PREX1: variants seen among roughly 807,000 people sequenced by gnomAD.
PREX1 encodes phosphatidylinositol-3,4,5-trisphosphate dependent Rac exchange factor 1.
PREX1 carries 41 observed loss-of-function variants against 198.3 expected under a neutral mutation model. The ratio of observed to expected loss-of-function variants is 0.21; its 90% CI spans 0.16 to 0.27. PREX1 has a LOEUF of 0.27. Among genes scored for constraint, PREX1 ranks in the 10% least tolerant of loss-of-function variants. The pLI, the probability that PREX1 is intolerant of heterozygous loss-of-function variation, is 1.00. For synonymous variants in PREX1, 843 were observed against 887.2 expected, an observed-to-expected ratio of 0.95 and a Z score of 0.89; for missense variants, 1,620 against 2,200.7, an observed-to-expected ratio of 0.74 and a Z score of 5.28.
chr20:48,804,981 C>T (rs1459156766), intron 1 of PREX1, among the ~76,000 whole-genome samples: 3 of 152,022 alleles, frequency 2.0e-5, no homozygotes, highest in Non-Finnish European at 4.4e-5. Context: ...GGACAGAGGT[C>T]AGGGCAAGGA....
intron 22 of PREX1, 78 bp downstream of exon 22, chr20:48,651,318 C>T: frequency 6.6e-7 from 1 of 1,512,436 alleles, no homozygotes; most frequent in South Asian, 1.3e-5. Context: ...CCACCCAACT[C>T]CTTCTCCCAA....
chr20:48,879,676 G>A, the PREX1 span, among the ~76,000 whole-genome samples: 1 of 152,282 alleles, frequency 6.6e-6, no homozygotes, highest in East Asian at 1.9e-4. Flanking sequence ...ACAGCTCCAT[G>A]AAATAAGACC....
intron 22 of PREX1, 82 bp from the exon 23 acceptor site, chr20:48,651,137 T>A: frequency 6.7e-7 from 1 of 1,503,314 alleles, no homozygotes; most frequent in Admixed American, 2.0e-5. Flanking sequence ...ACTCCTGTAC[T>A]ACTCGTAATA....
intron 30 of PREX1, among the ~76,000 whole-genome samples, chr20:48,638,914 T>G (rs2122850647): frequency 6.6e-6 from 1 of 151,924 alleles, no homozygotes; most frequent in East Asian, 1.9e-4. Context: ...GGACCCAGAG[T>G]CGATGCTCCT....
In PREX1 at chr20:48,684,928, T is replaced by C. The variant is rs75665697; in HGVS notation, c.1335-3593A>G. On this transcript the variant is annotated intron_variant, in intron 10 of 39. Coordinates refer to ENST00000371941, the MANE Select transcript of PREX1 (RefSeq NM_020820.4). This position sits in a 1 kb window ranked among gnomAD's most constrained non-coding sequence, Gnocchi z 4.2. ...GAATGCTGTTCCCCACACCCTCTCATGGCTGGCTCTTGCTTGTCTTTCAGA... is the reference window on the plus strand; with the variant it reads ...GAATGCTGTTCCCCACACCCTCTCACGGCTGGCTCTTGCTTGTCTTTCAGA... Among the ~76,000 whole-genome samples, 793 of 152,354 alleles carry C rather than the reference T, an allele frequency of 5.2e-3. 1 individual carries two copies. Among genetic ancestry groups the C allele is most frequent in the Non-Finnish European group, 7.5e-3 (511 of 68,030 alleles).
At chr20:48,863,493 T>A in the PREX1 span, among the ~76,000 whole-genome samples, 1 of 150,958 alleles carries the variant, frequency 6.6e-6, no homozygotes, top group Admixed American at 6.6e-5. Context: ...TTTGTGGGGT[T>A]TTTTTGTTTT....
intron 5 of PREX1, among the ~76,000 whole-genome samples, chr20:48,712,514 T>C (rs1182008643): frequency 6.6e-6 from 1 of 152,204 alleles, no homozygotes; most frequent in Non-Finnish European, 1.5e-5. Context: ...GGAATCTCAG[T>C]GACCCTCCTC....
At chr20:48,786,033 G>A (rs975273595) in intron 1 of PREX1, among the ~76,000 whole-genome samples, 5 of 152,162 alleles carry the variant, frequency 3.3e-5, no homozygotes, top group African/African-American at 9.7e-5. Flanking sequence ...GGGCCTGAGC[G>A]GGCTCATGGA....
At chr20:48,828,821 A>G (rs2090526106), upstream of PREX1, among the ~76,000 whole-genome samples, 1 of 151,284 alleles carries the variant, frequency 6.6e-6, no homozygotes, top group South Asian at 2.1e-4. Context: ...CCTTCCATCC[A>G]CCCACCCCAT....
chr20:48,672,412 G>A (rs180889636), intron 14 of PREX1, among the ~76,000 whole-genome samples: 7 of 152,308 alleles, frequency 4.6e-5, no homozygotes, highest in Admixed American at 6.5e-5. Flanking sequence ...GAATTCTAGC[G>A]TTGCCTCCTA....
the PREX1 span, among the ~76,000 whole-genome samples, chr20:48,837,289 A>G: frequency 2.6e-4 from 40 of 152,202 alleles, no homozygotes; most frequent in African/African-American, 9.4e-4. Flanking sequence ...TAAAAACAGA[A>G]CTACCATTAG....
Position 48,645,972 on chromosome 20 carries a change from T to C in PREX1, c.3391A>G (p.Ser1131Gly). 1 of 1,614,222 alleles carries C rather than the reference T, an allele frequency of 6.2e-7. No individual in the cohort carries two copies. Among genetic ancestry groups the C allele is most frequent in the African/African-American group, 1.3e-5 (1 of 75,054 alleles). The change falls in exon 26 of 40, where the codon AGT (serine) becomes GGT (glycine). Residue 1131 changes from serine (S) to glycine (G), a missense_variant. Ser to Gly is a moderately conservative substitution (Grantham distance 56). Coordinates refer to ENST00000371941, the MANE Select transcript of PREX1 (RefSeq NM_020820.4). ...CTCCTGTCCATCTCGCTCTCTTCAC[T>C]GACCAGGGGCAGGGAGGAGGCCTCC... ...AEEASSLPLV[S>G]EESEMDRSDH...
intron 1 of PREX1, among the ~76,000 whole-genome samples, chr20:48,758,813 C>A (rs2090166351): frequency 6.6e-6 from 1 of 152,138 alleles, no homozygotes; most frequent in Non-Finnish European, 1.5e-5. Flanking sequence ...ACAATCCTAT[C>A]GAAAACGCCT....
intron 1 of PREX1, among the ~76,000 whole-genome samples, chr20:48,824,242 G>A (rs2090499582): frequency 6.6e-6 from 1 of 152,170 alleles, no homozygotes; most frequent in Non-Finnish European, 1.5e-5. Context: ...ACCAAACTCA[G>A]AGGACTCCCT....
Position 48,660,021 on chromosome 20 carries a change from G to A in PREX1, c.1779C>T (p.Phe593=). 1.2e-6 allele frequency: 2 copies of A among 1,614,208 alleles called. No homozygotes were observed. The highest frequency in any genetic ancestry group is 2.2e-5 in the South Asian group (2 of 91,084). Residue 593 remains phenylalanine, a synonymous_variant, in exon 16 of 40, where the codon TTC becomes TTT. Transcript: ENST00000371941. ...CCATCTCCTCGTCAGCATGAAAGCGGAAGTACTGGGACTCATCCCTGAACT... is the reference window on the plus strand; with the variant it reads ...CCATCTCCTCGTCAGCATGAAAGCGAAAGTACTGGGACTCATCCCTGAACT... ...KSEFRDESQY[F]RFHADEEMEG... is the part of the protein sequence containing the mutation.
chr20:48,658,060 C>G, intron 17 of PREX1, 76 bp downstream of exon 17: 4 of 1,396,670 alleles, frequency 2.9e-6, no homozygotes, highest in Non-Finnish European at 3.9e-6. Flanking sequence ...GGCTGGGCTG[C>G]CTCAAGGAGG....
chr20:48,882,336 A>G, the PREX1 span, among the ~76,000 whole-genome samples: 3 of 151,738 alleles, frequency 2.0e-5, no homozygotes, highest in Admixed American at 6.6e-5. Context: ...CCCCGTCTCT[A>G]CTAAAAATAC....
At chr20:48,673,409 G>A (rs898269839) in intron 14 of PREX1, among the ~76,000 whole-genome samples, 12 of 152,114 alleles carry the variant, frequency 7.9e-5, no homozygotes, top group Non-Finnish European at 1.5e-4. Flanking sequence ...TTGTCTCCGT[G>A]AGCCAACCCA....
chr20:48,747,002 ACACACACACC>A (rs1196642346), intron 2 of PREX1, among the ~76,000 whole-genome samples: 1 of 77,864 alleles, frequency 1.3e-5, no homozygotes, highest in East Asian at 3.6e-4. Flanking sequence ...ACACACACAC[ACACACACACC>A]CCACCCCCAG....
Sources: gnomAD v4.1 joint callset for allele counts (sites outside exome capture counted in the v4.1 genomes callset) on GRCh38, gnomAD v4.1.1 for gene constraint, Gnocchi (gnomAD v3.1) non-coding constraint, MANE v1.5 for transcripts, NCBI Gene and HGNC (gene_info 2026-07-23, HGNC 2026-07-21) for gene names.